CCDC63: variants seen among roughly 807,000 people sequenced by gnomAD.
The protein encoded by CCDC63 is coiled-coil domain-containing protein 63.
In CCDC63, 54 loss-of-function variants were observed where a neutral mutation model predicts 63.6. That is an observed-to-expected ratio of 0.85 (90% confidence interval 0.68 to 1.07). The LOEUF is 1.07. Ranked by LOEUF, CCDC63 falls within the 50% of genes least tolerant of loss-of-function variation. The pLI is 0.00. For synonymous variants in CCDC63, 253 were observed against 266.1 expected (o/e 0.95, Z 0.48); for missense variants, 637 against 689.6 (o/e 0.92, Z 0.86).
chr12:110,860,923 T>G (rs759573437), intron 4 of CCDC63, among the ~76,000 whole-genome samples: 1 of 152,194 alleles, frequency 6.6e-6, no homozygotes, highest in Non-Finnish European at 1.5e-5. Flanking sequence ...GAGGTTTAAT[T>G]GGCTTACAGT....
At chr12:110,900,805 G>A (rs543423322) in intron 10 of CCDC63, among the ~76,000 whole-genome samples, 9 of 152,146 alleles carry the variant, frequency 5.9e-5, no homozygotes, top group South Asian at 2.1e-4. Context: ...TCACCATGTT[G>A]GCCAGGATGG....
intron 4 of CCDC63, among the ~76,000 whole-genome samples, chr12:110,861,443 C>T (rs567975512): frequency 3.9e-5 from 6 of 152,314 alleles, no homozygotes; most frequent in African/African-American, 1.2e-4. Flanking sequence ...AGGCCTTCTT[C>T]GTGTCCTTTA....
chr12:110,853,695 G>C, intron 3 of CCDC63, 121 bp downstream of exon 3: 1 of 1,030,874 alleles, frequency 9.7e-7, no homozygotes, highest in Non-Finnish European at 1.5e-6. Context: ...AGCCCCATTG[G>C]AGGATCCACG....
intron 4 of CCDC63, 109 bp downstream of exon 4, chr12:110,858,884 TCTC>T (rs2136653092): frequency 3.3e-6 from 3 of 905,456 alleles, no homozygotes; most frequent in Non-Finnish European, 5.2e-6. Context: ...TATCACAGTA[TCTC>T]CTCTGGACAG....
intron 8 of CCDC63, among the ~76,000 whole-genome samples, chr12:110,890,681 T>C (rs1185747172): frequency 6.6e-6 from 1 of 151,890 alleles, no homozygotes; most frequent in Non-Finnish European, 1.5e-5. Flanking sequence ...TACTAGATCA[T>C]ACTAGACAGT....
intron 1 of CCDC63, 102 bp from the exon 2 acceptor site, chr12:110,852,757 G>A: frequency 1.4e-6 from 1 of 733,406 alleles, no homozygotes; most frequent in Admixed American, 2.0e-5. Context: ...CCAAGGTGTG[G>A]GTGGAGGAAG....
At chr12:110,886,589 A>T (rs1208265244) in intron 8 of CCDC63, among the ~76,000 whole-genome samples, 3 of 152,112 alleles carry the variant, frequency 2.0e-5, no homozygotes, top group Non-Finnish European at 4.4e-5. Context: ...CCCTTCCTGG[A>T]GGGGTGCAGC....
At chr12:110,853,053 A>G in intron 2 of CCDC63, 90 bp downstream of exon 2, 1 of 1,419,232 alleles carries the variant, frequency 7.0e-7, no homozygotes. Flanking sequence ...TCTCATCCTG[A>G]CAAACAGATC....
chr12:110,867,282 T>C (rs1323706305), intron 4 of CCDC63, among the ~76,000 whole-genome samples: 139 of 70,656 alleles, frequency 2.0e-3, no homozygotes, highest in South Asian at 5.3e-3. Flanking sequence ...GGCTCCTCAC[T>C]TCCCAGTAGG....
intron 5 of CCDC63, among the ~76,000 whole-genome samples, chr12:110,875,505 C>T (rs550070226): frequency 4.5e-4 from 69 of 151,934 alleles, no homozygotes; most frequent in South Asian, 1.0e-3. Flanking sequence ...TGCAGTGGCA[C>T]GATCGTGGCT....
At chr12:110,900,042 T>C (rs1040993643) in intron 10 of CCDC63, among the ~76,000 whole-genome samples, 1 of 151,908 alleles carries the variant, frequency 6.6e-6, no homozygotes, top group Non-Finnish European at 1.5e-5. Context: ...GGTGAAACCC[T>C]GTCTCTACTA....
intron 10 of CCDC63, 115 bp from the exon 11 acceptor site, chr12:110,904,473 C>T: frequency 1.2e-6 from 1 of 830,322 alleles, no homozygotes; most frequent in Non-Finnish European, 2.0e-6. Flanking sequence ...AGCCCAGATC[C>T]CGCACCTCCT....
At chr12:110,853,659 A>C (rs1593635546) in intron 3 of CCDC63, 85 bp downstream of exon 3, 1 of 1,515,098 alleles carries the variant, frequency 6.6e-7, no homozygotes, top group Middle Eastern at 1.7e-4. Context: ...CTGTTCTGTG[A>C]CCCCTGGGGC....
In CCDC63 at chr12:110,886,976, G is replaced by T. The variant is rs149963415; in HGVS notation, c.1074+2726G>T. On this transcript the variant is annotated intron_variant, in intron 8 of 11. Transcript: ENST00000308208. ...AGTCGCACAGCATCTCCTGCACAAG[G>T]ACAAGTGCAGGTGCTCTGGTTCTCA... is the stretch of plus-strand genomic sequence containing the variant. Among the ~76,000 whole-genome samples the T allele has an allele frequency of 1.6e-3, 250 of 152,236 alleles. 1 individual carries two copies. The highest frequency in any genetic ancestry group is 3.1e-3 in the Non-Finnish European group (212 of 68,006).
At chr12:110,905,918 T>TA (rs2071560725) in intron 11 of CCDC63, among the ~76,000 whole-genome samples, 2 of 9,790 alleles carry the variant, frequency 2.0e-4, no homozygotes, top group African/African-American at 9.1e-4. Context: ...TATTATATTA[T>TA]ATATAATATA....
chr12:110,855,412 CTT>C (rs1202525086), intron 3 of CCDC63, among the ~76,000 whole-genome samples: 1 of 152,084 alleles, frequency 6.6e-6, no homozygotes, highest in East Asian at 1.9e-4. Flanking sequence ...GAAATGCCTC[CTT>C]TTGATATGTC....
intron 4 of CCDC63, among the ~76,000 whole-genome samples, chr12:110,861,839 G>A (rs1240432063): frequency 6.6e-6 from 1 of 151,398 alleles, no homozygotes; most frequent in Non-Finnish European, 1.5e-5. Context: ...CTGAAGTGCT[G>A]GGATTACAGG....
chr12:110,873,256 C>A (rs1035364319), intron 4 of CCDC63, among the ~76,000 whole-genome samples: 1 of 152,058 alleles, frequency 6.6e-6, no homozygotes, highest in Non-Finnish European at 1.5e-5. Flanking sequence ...AAGAAAGTTT[C>A]AAAAGAAAAT....
intron 8 of CCDC63, among the ~76,000 whole-genome samples, chr12:110,891,763 CCT>C (rs1177038066): frequency 3.9e-5 from 6 of 151,990 alleles, no homozygotes; most frequent in Admixed American, 3.3e-4. Flanking sequence ...AACCCAAGAC[CCT>C]CTCCCCTGTT....
Sources: gnomAD v4.1 joint callset for allele counts (sites outside exome capture counted in the v4.1 genomes callset) on GRCh38, gnomAD v4.1.1 for gene constraint, MANE v1.5 for transcripts, NCBI Gene and HGNC (gene_info 2026-07-23, HGNC 2026-07-21) for gene names.